The following ASPRV1 variants were observed in gnomAD, a reference collection of about 807,000 sequenced individuals.
The protein encoded by ASPRV1 is retroviral-like aspartic protease 1.
A neutral mutation model predicts 11.0 loss-of-function variants in ASPRV1; 7 were observed. That is an observed-to-expected ratio of 0.64 (90% CI 0.36 to 1.20). The LOEUF (loss-of-function observed/expected upper bound fraction) is 1.20. ASPRV1 is among the 50% of genes most tolerant of loss of function. The pLI is 0.02. For missense variants in ASPRV1, 299 were observed against 320.0 expected (o/e 0.93, Z 0.50); for synonymous variants, 136 against 138.4 (o/e 0.98, Z 0.12).
chr2:69,935,418 C>A, the ASPRV1 span: 1 of 1,613,968 alleles, frequency 6.2e-7, no homozygotes, highest in Non-Finnish European at 8.5e-7. Context: ...CGAATCAAGT[C>A]GACACACTAC....
chr2:69,948,742 C>T, the ASPRV1 span, among the ~76,000 whole-genome samples: 1 of 152,154 alleles, frequency 6.6e-6, no homozygotes, highest in African/African-American at 2.4e-5. Context: ...CCCACGGAAG[C>T]CTCCGAGGTC....
the ASPRV1 span, among the ~76,000 whole-genome samples, chr2:70,025,594 A>G: frequency 6.6e-6 from 1 of 152,142 alleles, no homozygotes; most frequent in Non-Finnish European, 1.5e-5. Context: ...TCTTTTGTGG[A>G]TCGTGCCAAT....
At chr2:69,944,932 C>A in the ASPRV1 span, among the ~76,000 whole-genome samples, 1,030 of 152,228 alleles carry the variant, frequency 6.8e-3, 9 homozygotes, top group African/African-American at 0.024. Context: ...ATTTATTCAA[C>A]CAGTATTTAC....
the ASPRV1 span, among the ~76,000 whole-genome samples, chr2:69,999,206 G>A: frequency 1.1e-4 from 17 of 152,152 alleles, no homozygotes; most frequent in South Asian, 3.5e-3. Flanking sequence ...TCCTAGGCCT[G>A]AGCATTCCTC....
the ASPRV1 span, among the ~76,000 whole-genome samples, chr2:70,043,578 T>G: frequency 2.0e-5 from 3 of 152,254 alleles, no homozygotes; most frequent in Non-Finnish European, 4.4e-5. Flanking sequence ...TGGCTTATTT[T>G]GCTTTCTGGT....
chr2:70,038,887 T>A, the ASPRV1 span, among the ~76,000 whole-genome samples: 1 of 152,152 alleles, frequency 6.6e-6, no homozygotes, highest in African/African-American at 2.4e-5. Context: ...GAGACCAGCC[T>A]GACCAACATG....
At chr2:70,083,859 C>T in the ASPRV1 span, among the ~76,000 whole-genome samples, 1 of 152,166 alleles carries the variant, frequency 6.6e-6, no homozygotes, top group Non-Finnish European at 1.5e-5. Flanking sequence ...AGAACTGAAA[C>T]CCTGACAGAT....
the ASPRV1 span, among the ~76,000 whole-genome samples, chr2:70,028,063 C>A: frequency 6.6e-6 from 1 of 152,172 alleles, no homozygotes; most frequent in Admixed American, 6.5e-5. Context: ...GTCCTCAGAT[C>A]CTCCAACATA....
the ASPRV1 span, chr2:69,997,949 G>A: frequency 6.6e-6 from 1 of 152,222 alleles, no homozygotes; most frequent in Non-Finnish European, 1.5e-5. Flanking sequence ...ACAATGCTAT[G>A]AGACAGGAGC....
At chr2:70,072,028 T>C in the ASPRV1 span, among the ~76,000 whole-genome samples, 11 of 152,022 alleles carry the variant, frequency 7.2e-5, no homozygotes, top group Admixed American at 7.2e-4. Flanking sequence ...CTCAGCTCAC[T>C]GCTACCTCTG....
chr2:69,961,263 G>A lies in ASPRV1; in HGVS notation c.174C>T (p.Leu58=). ...ITKLRFLKES[L]RGEALGVYNR... is the part of the protein sequence containing the mutation. ...TGTAGACACCCAGGGCCTCTCCTCT[G>A]AGGGACTCTTTCAGGAACCTTAGCT... The change falls in exon 1 of 1, where the codon CTC becomes CTT. Residue 58 remains leucine, a synonymous_variant. Coordinates refer to ENST00000320256, the MANE Select transcript of ASPRV1 (RefSeq NM_152792.4). 1.2e-6 allele frequency: 2 copies of A among 1,614,136 alleles called. No individual in the cohort carries two copies. Among genetic ancestry groups the A allele is most frequent in the Non-Finnish European group, 1.7e-6 (2 of 1,180,024 alleles).
chr2:70,006,664 T>TAG, the ASPRV1 span, among the ~76,000 whole-genome samples: 1 of 152,110 alleles, frequency 6.6e-6, no homozygotes, highest in Admixed American at 6.6e-5. Context: ...CCTTACTTCA[T>TAG]AGAGCCTCAG....
At chr2:69,997,961 G>A in the ASPRV1 span, 3 of 152,338 alleles carry the variant, frequency 2.0e-5, no homozygotes, top group East Asian at 1.9e-4. Context: ...GACAGGAGCT[G>A]TATTCTACTC....
the ASPRV1 span, among the ~76,000 whole-genome samples, chr2:70,077,136 G>C: frequency 1.3e-5 from 2 of 152,166 alleles, no homozygotes; most frequent in South Asian, 4.1e-4. Flanking sequence ...ATGGTTGTCA[G>C]AAGATGGCAA....
At chr2:70,061,120 G>A in the ASPRV1 span, among the ~76,000 whole-genome samples, 3 of 152,256 alleles carry the variant, frequency 2.0e-5, no homozygotes, top group South Asian at 4.1e-4. Context: ...GACAGGCCGG[G>A]CACGGTGGCT....
At chr2:70,084,600 G>A in the ASPRV1 span, among the ~76,000 whole-genome samples, 1 of 152,270 alleles carries the variant, frequency 6.6e-6, no homozygotes, top group Non-Finnish European at 1.5e-5. Flanking sequence ...ACTTATTAAT[G>A]GGTTTTTAAT....
the ASPRV1 span, among the ~76,000 whole-genome samples, chr2:70,078,290 A>G: frequency 6.6e-6 from 1 of 152,224 alleles, no homozygotes; most frequent in African/African-American, 2.4e-5. Flanking sequence ...GGGTGGTGAC[A>G]TGTAATAAAC....
the ASPRV1 span, chr2:70,031,291 C>T: frequency 6.6e-6 from 1 of 152,102 alleles, no homozygotes; most frequent in Non-Finnish European, 1.5e-5. Context: ...AAAGGCTGAT[C>T]CACATTTTGC....
At chr2:70,017,470 T>G in the ASPRV1 span, among the ~76,000 whole-genome samples, 7 of 151,626 alleles carry the variant, frequency 4.6e-5, no homozygotes, top group Non-Finnish European at 7.4e-5. Flanking sequence ...TTCGTAAGAT[T>G]AGTAATAAGA....
Sources: allele counts gnomAD v4.1 joint callset (sites outside exome capture counted in the v4.1 genomes callset), GRCh38; gene constraint gnomAD v4.1.1; transcripts MANE v1.5; gene names NCBI Gene and HGNC (gene_info 2026-07-23, HGNC 2026-07-21).